Variants in PTPRR observed in about 807,000 individuals in gnomAD.
PTPRR encodes receptor-type tyrosine-protein phosphatase R.
A neutral mutation model predicts 77.2 loss-of-function variants in PTPRR; 38 were observed. The ratio of observed to expected loss-of-function variants is 0.49; its 90% CI spans 0.38 to 0.65. The LOEUF (loss-of-function observed/expected upper bound fraction) is 0.65. PTPRR is among the 30% of genes least tolerant of loss of function. PTPRR has a pLI of 0.00. For missense variants in PTPRR, 744 were observed against 799.2 expected (o/e 0.93, Z 0.83); for synonymous variants, 299 against 283.1 (o/e 1.06, Z -0.57).
intron 13 of PTPRR, among the ~76,000 whole-genome samples, chr12:70,646,544 A>C (rs1486810595): frequency 6.6e-6 from 1 of 152,214 alleles, no homozygotes; most frequent in Non-Finnish European, 1.5e-5. Context: ...AGGAAGAAGG[A>C]AAATGTCCTG....
At chr12:70,658,894 T>TC (rs2136668413) in intron 12 of PTPRR, among the ~76,000 whole-genome samples, 1 of 134,262 alleles carries the variant, frequency 7.4e-6, no homozygotes, top group East Asian at 2.1e-4. Context: ...TTTTTTTTTT[T>TC]TTTTTTTTTT....
chr12:70,751,673 G>C (rs1042610920), intron 5 of PTPRR, among the ~76,000 whole-genome samples: 1 of 150,742 alleles, frequency 6.6e-6, no homozygotes, highest in Non-Finnish European at 1.5e-5. Context: ...ATCAACATTT[G>C]ATTTTTTAAA....
At chr12:70,809,947 G>A (rs1431192885) in intron 2 of PTPRR, among the ~76,000 whole-genome samples, 2 of 152,164 alleles carry the variant, frequency 1.3e-5, no homozygotes, top group Non-Finnish European at 2.9e-5. Flanking sequence ...TCAGAATGTT[G>A]CTGAGCCAGT....
chr12:70,660,243 C>T (rs1366710346), intron 12 of PTPRR, among the ~76,000 whole-genome samples: 2 of 146,182 alleles, frequency 1.4e-5, no homozygotes, highest in Non-Finnish European at 3.1e-5. Flanking sequence ...TTTAAAAATG[C>T]TGCCTTCAGT....
chr12:70,918,557 G>A (rs1318454592), intron 1 of PTPRR, among the ~76,000 whole-genome samples: 1 of 152,262 alleles, frequency 6.6e-6, no homozygotes, highest in South Asian at 2.1e-4. Flanking sequence ...CTCATCTGAT[G>A]AGCAAAAGTC....
intron 1 of PTPRR, among the ~76,000 whole-genome samples, chr12:70,910,963 A>G (rs1296624214): frequency 6.6e-6 from 1 of 152,206 alleles, no homozygotes; most frequent in Non-Finnish European, 1.5e-5. Context: ...ATGGGTCTCC[A>G]AGGGAGTCAA....
intron 2 of PTPRR, among the ~76,000 whole-genome samples, chr12:70,829,830 G>A (rs1285410374): frequency 6.6e-6 from 1 of 152,102 alleles, no homozygotes; most frequent in Non-Finnish European, 1.5e-5. Context: ...TTTCTATGAG[G>A]TTATAAGAAC....
chr12:70,718,237 G>C (rs1889106597), intron 6 of PTPRR, among the ~76,000 whole-genome samples: 1 of 151,938 alleles, frequency 6.6e-6, no homozygotes, highest in Non-Finnish European at 1.5e-5. Flanking sequence ...ACTTCTAAGA[G>C]AGATTTAAAA....
chr12:70,857,242 C>T (rs1376436193), intron 2 of PTPRR, among the ~76,000 whole-genome samples: 1 of 151,992 alleles, frequency 6.6e-6, no homozygotes, highest in African/African-American at 2.4e-5. Context: ...TTTTGGAAAG[C>T]TGAGAAAGAA....
At chr12:70,756,589 C>A (rs545913741) in intron 4 of PTPRR, among the ~76,000 whole-genome samples, 30 of 152,212 alleles carry the variant, frequency 2.0e-4, no homozygotes, top group African/African-American at 7.2e-4. Flanking sequence ...GCCACTATAT[C>A]ATCTTTATGT....
intron 8 of PTPRR, among the ~76,000 whole-genome samples, chr12:70,693,010 T>C (rs1350153856): frequency 6.6e-6 from 1 of 152,190 alleles, no homozygotes; most frequent in Non-Finnish European, 1.5e-5. Context: ...AGCCCTGTTT[T>C]TGACTTTCTA....
chr12:70,845,183 G>C (rs1024840730), intron 2 of PTPRR, among the ~76,000 whole-genome samples: 1 of 149,968 alleles, frequency 6.7e-6, no homozygotes, highest in Non-Finnish European at 1.5e-5. Flanking sequence ...GGTTTCAGTG[G>C]TGGGTGAGAG....
intron 2 of PTPRR, among the ~76,000 whole-genome samples, chr12:70,770,679 C>G (rs1018884437): frequency 1.6e-4 from 24 of 152,174 alleles, no homozygotes; most frequent in African/African-American, 5.8e-4. Context: ...GACTATAAAT[C>G]ATGCTGCTAT....
intron 2 of PTPRR, among the ~76,000 whole-genome samples, chr12:70,765,797 G>A (rs1592743353): frequency 1.3e-5 from 2 of 152,276 alleles, no homozygotes; most frequent in Admixed American, 1.3e-4. Context: ...ACACAGCCGG[G>A]TACTCCTCTG....
chr12:70,711,508 G>A (rs1372923046), intron 6 of PTPRR, among the ~76,000 whole-genome samples: 1 of 151,956 alleles, frequency 6.6e-6, no homozygotes, highest in Admixed American at 6.6e-5. Flanking sequence ...GGATAACTAA[G>A]GGGTAGTAGG....
At chr12:70,874,249 G>T (rs950642318) in intron 2 of PTPRR, among the ~76,000 whole-genome samples, 1 of 152,136 alleles carries the variant, frequency 6.6e-6, no homozygotes, top group Non-Finnish European at 1.5e-5. Flanking sequence ...AAAGTCCCCT[G>T]ATTTTAATGC....
rs1459021665 is a variant in PTPRR at position 70,684,253 on chromosome 12, G to T, written c.1371C>A (p.Gly457=). The change falls in exon 10 of 14, where the codon GGC becomes GGA. Residue 457 remains glycine, a synonymous_variant. Transcript: ENST00000283228. The part of the protein sequence containing the change: ...INANYIRGYS[G]KEKAFIATQG... ...GCGTGGCAATGAAGGCTTTCTCCTT[G>T]CCACTGTAGCCCTAGATGGAGTAAA... 1 of 1,613,440 alleles carries T rather than the reference G, an allele frequency of 6.2e-7. No homozygotes were observed.
At position 70,853,578 on chromosome 12, in the gene PTPRR, A is replaced by G. The variant is rs150717181; in HGVS notation, c.357+39101T>C. On this transcript the variant is annotated intron_variant, in intron 2 of 13. Coordinates refer to ENST00000283228, the MANE Select transcript of PTPRR (RefSeq NM_002849.4). Reference sequence around the variant, plus strand: ...TGGCCTTTCCACTCAATATTGCTCAATCTTGGTCTCGGACTTGATATGTAA... The same window carrying G: ...TGGCCTTTCCACTCAATATTGCTCAGTCTTGGTCTCGGACTTGATATGTAA... Among the ~76,000 whole-genome samples the G allele has an allele frequency of 5.5e-3, 831 of 152,198 alleles. 3 individuals are homozygous for G. The highest frequency in any genetic ancestry group is 0.01 in the Middle Eastern group (3 of 294).
chr12:70,646,920 A>G (rs960666862), intron 13 of PTPRR, among the ~76,000 whole-genome samples: 9 of 152,080 alleles, frequency 5.9e-5, no homozygotes, highest in Non-Finnish European at 1.2e-4. Context: ...GATGGCATAT[A>G]TATTCTTCTG....
Sources: gnomAD v4.1 joint callset for allele counts (sites outside exome capture counted in the v4.1 genomes callset) on GRCh38, gnomAD v4.1.1 for gene constraint, MANE v1.5 for transcripts, NCBI Gene and HGNC (gene_info 2026-07-23, HGNC 2026-07-21) for gene names.